CNGA3: variants seen among roughly 807,000 people sequenced by gnomAD.
CNGA3 encodes the protein cyclic nucleotide-gated channel alpha-3.
CNGA3 carries 42 observed loss-of-function variants against 46.6 expected under a neutral mutation model. The ratio of observed to expected loss-of-function variants is 0.90; its 90% CI spans 0.70 to 1.17. CNGA3 has a LOEUF of 1.17. Among genes scored for constraint, CNGA3 ranks in the 50% most tolerant of loss-of-function variants. The probability of loss-of-function intolerance (pLI) is 0.00; values close to 1 mark genes in which losing one functional copy is unlikely to be tolerated. For missense variants in CNGA3, 893 were observed against 890.7 expected (o/e 1.00, Z -0.03); for synonymous variants, 394 against 369.4 (o/e 1.07, Z -0.76).
At chr2:98,381,013 A>T (rs1021731587) in intron 4 of CNGA3, among the ~76,000 whole-genome samples, 3 of 152,064 alleles carry the variant, frequency 2.0e-5, no homozygotes, top group Non-Finnish European at 4.4e-5. Flanking sequence ...CCCCCACCCT[A>T]ACTGGGAGAT....
At chr2:98,381,442 G>A (rs191709567) in intron 4 of CNGA3, among the ~76,000 whole-genome samples, 1 of 152,294 alleles carries the variant, frequency 6.6e-6, no homozygotes, top group Non-Finnish European at 1.5e-5. Flanking sequence ...AGGGTTTCTG[G>A]TGTGTGAAGG....
chr2:98,361,730 C>T (rs183851035), intron 1 of CNGA3, among the ~76,000 whole-genome samples: 4 of 122,230 alleles, frequency 3.3e-5, no homozygotes, highest in African/African-American at 9.3e-5. Context: ...TTTTTTGAGA[C>T]AGAGTCTTGC....
chr2:98,377,702 T>C lies in CNGA3; in HGVS notation c.117T>C (p.Ser39=). ...GATTTCCTAGAGCCCACTCGTCAAG[T>C]GAGGAGACATCGTCAGTGCTGCAGC... ...ENGLSRAHSS[S]EETSSVLQPG... is the part of the protein sequence containing the mutation. Residue 39 remains serine, a synonymous_variant, in exon 3 of 8, where the codon AGT becomes AGC. Coordinates refer to ENST00000272602, the MANE Select transcript of CNGA3 (RefSeq NM_001298.3). 6.2e-7 allele frequency: 1 copy of C among 1,613,322 alleles called. No individual in the cohort carries two copies. The highest frequency in any genetic ancestry group is 1.1e-5 in the South Asian group (1 of 90,908).
At chr2:98,382,520 G>T (rs78303077) in intron 4 of CNGA3, among the ~76,000 whole-genome samples, 1 of 152,200 alleles carries the variant, frequency 6.6e-6, no homozygotes. Flanking sequence ...TGGACATCAA[G>T]CATCGTGGAA....
At chr2:98,364,317 G>T (rs1376636049) in intron 1 of CNGA3, among the ~76,000 whole-genome samples, 1 of 152,124 alleles carries the variant, frequency 6.6e-6, no homozygotes, top group Non-Finnish European at 1.5e-5. Flanking sequence ...GGTAGAGGTT[G>T]CAGTGACCCG....
intron 7 of CNGA3, among the ~76,000 whole-genome samples, chr2:98,395,125 C>T (rs1457203500): frequency 6.6e-6 from 1 of 152,178 alleles, no homozygotes; most frequent in African/African-American, 2.4e-5. Context: ...GTACCTTCAA[C>T]CTTGATAAAA....
chr2:98,370,087 C>G lies in CNGA3; in HGVS notation c.101+11C>G. On this transcript the variant is annotated intron_variant, in intron 2 of 7. Coordinates refer to ENST00000272602, the MANE Select transcript of CNGA3 (RefSeq NM_001298.3). ...AAATGGCCTCAGCAGGTAAGATGGG[C>G]TAAGATGGGCTTTTCATTTTATGCC... 1.9e-6 allele frequency: 3 copies of G among 1,585,708 alleles called. No homozygotes were observed. The highest frequency in any genetic ancestry group is 2.6e-6 in the Non-Finnish European group (3 of 1,155,108).
intron 5 of CNGA3, among the ~76,000 whole-genome samples, chr2:98,387,165 T>A (rs1222044967): frequency 6.6e-6 from 1 of 152,232 alleles, no homozygotes; most frequent in Non-Finnish European, 1.5e-5. Flanking sequence ...AAACAGCGTT[T>A]TAAGTGGCCA....
intron 4 of CNGA3, 80 bp downstream of exon 4, chr2:98,380,434 T>C: frequency 6.6e-7 from 1 of 1,516,728 alleles, no homozygotes; most frequent in Non-Finnish European, 9.0e-7. Flanking sequence ...CCATCCTGTT[T>C]GGATGCAGCA....
intron 3 of CNGA3, chr2:98,379,817 A>G (rs972566039): frequency 8.9e-6 from 3 of 335,840 alleles, no homozygotes; most frequent in African/African-American, 2.1e-5. Context: ...CAGTCATAAC[A>G]AAGAGCTCTC....
intron 5 of CNGA3, among the ~76,000 whole-genome samples, chr2:98,386,353 G>A (rs1286906065): frequency 6.6e-6 from 1 of 152,202 alleles, no homozygotes; most frequent in African/African-American, 2.4e-5. Context: ...TAATTCCCAT[G>A]TGTCGGGACA....
chr2:98,382,642 G>A (rs2104211716), intron 4 of CNGA3, among the ~76,000 whole-genome samples: 1 of 152,348 alleles, frequency 6.6e-6, no homozygotes, highest in Middle Eastern at 3.4e-3. Flanking sequence ...TTTTAACCCA[G>A]CCATGTTGAA....
chr2:98,366,912 G>T (rs13419199), intron 1 of CNGA3, among the ~76,000 whole-genome samples: 66,392 of 151,990 alleles, frequency 0.44, 14,602 homozygotes, highest in Admixed American at 0.5. Flanking sequence ...CTGATCTGTG[G>T]ATAGCACAGA....
At chr2:98,354,150 T>A (rs1348327255) in intron 1 of CNGA3, among the ~76,000 whole-genome samples, 1 of 152,246 alleles carries the variant, frequency 6.6e-6, no homozygotes, top group East Asian at 1.9e-4. Flanking sequence ...CCTAATACAG[T>A]GTAAATGCTA....
At chr2:98,363,893 G>A (rs1244087467) in intron 1 of CNGA3, among the ~76,000 whole-genome samples, 2 of 152,168 alleles carry the variant, frequency 1.3e-5, no homozygotes, top group African/African-American at 4.8e-5. Flanking sequence ...ACAGTGGGGT[G>A]TTAAAGTCTC....
chr2:98,377,691 C>T lies in CNGA3; in HGVS notation c.106C>T (p.His36Tyr), dbSNP rs1053293800. ...NRAENGLSRA[H>Y]SSSEETSSVL... ...GCTGCATATCTGATTTCCTAGAGCC[C>T]ACTCGTCAAGTGAGGAGACATCGTC... The change falls in exon 3 of 8, where the codon CAC (histidine) becomes TAC (tyrosine). Residue 36 changes from histidine to tyrosine, a missense_variant. By Grantham distance (83) the His-to-Tyr change is moderately conservative (BLOSUM62 2). Coordinates refer to ENST00000272602, the MANE Select transcript of CNGA3 (RefSeq NM_001298.3). The T allele has an allele frequency of 5.0e-6, 8 of 1,612,852 alleles. No individual in the cohort carries two copies. The highest frequency in any genetic ancestry group is 2.7e-5 in the African/African-American group (2 of 74,884).
chr2:98,349,787 G>T lies in CNGA3; in HGVS notation c.-38+3253G>T, dbSNP rs532756287. ...AGTAAATAAAAGAGTTGGAGGGGATGGAGGAGAGAGATAGCTGTTGCTGTG... is the reference window on the plus strand; with the variant it reads ...AGTAAATAAAAGAGTTGGAGGGGATTGAGGAGAGAGATAGCTGTTGCTGTG... On this transcript the variant is annotated intron_variant, in intron 1 of 7. Transcript: ENST00000272602. 3.3e-5 allele frequency among the ~76,000 whole-genome samples: 5 copies of T among 152,304 alleles called. No homozygotes were observed. In the South Asian group the frequency reaches 1.0e-3, roughly 32 times the overall value.
In CNGA3 at chr2:98,396,699, G is replaced by C. The variant is rs908111816; in HGVS notation, c.1529G>C (p.Cys510Ser). 1.2e-6 allele frequency: 2 copies of C among 1,614,146 alleles called. No individual in the cohort carries two copies. Among genetic ancestry groups the C allele is most frequent in the Non-Finnish European group, 8.5e-7 (1 of 1,180,046 alleles). The change falls in exon 8 of 8, where the codon TGC (cysteine) becomes TCC (serine). Residue 510 changes from cysteine (C) to serine (S), a missense_variant. This residue lies in a region of CNGA3 where 548 missense variants were observed against 570.8 expected (regional missense o/e 0.96). Transcript: ENST00000272602. ...PTVFSPGDYI[C>S]KKGDIGKEMY... ...GTGTTCAGCCCTGGGGATTATATCT[G>C]CAAGAAGGGAGATATTGGGAAGGAG...
In CNGA3 at chr2:98,394,378, G is replaced by A. The variant is rs553770870; in HGVS notation, c.674-1466G>A. Reference sequence around the variant, plus strand: ...TTGGGTAACAGTCACGTGCAACCAAGGAAAGCTGTGTTCCTGGAAGGTGTT... The same window carrying A: ...TTGGGTAACAGTCACGTGCAACCAAAGAAAGCTGTGTTCCTGGAAGGTGTT... On this transcript the variant is annotated intron_variant, in intron 7 of 7. Transcript: ENST00000272602. 6.2e-4 allele frequency among the ~76,000 whole-genome samples: 95 copies of A among 152,242 alleles called. 2 individuals carry two copies. The South Asian group carries it at 0.017, about 28-fold the overall frequency.
Sources: allele counts gnomAD v4.1 joint callset (sites outside exome capture counted in the v4.1 genomes callset), GRCh38; gene constraint gnomAD v4.1.1; regional missense constraint gnomAD v4.1.1; transcripts MANE v1.5; gene names NCBI Gene and HGNC (gene_info 2026-07-23, HGNC 2026-07-21).